CMPK1: variants seen among roughly 807,000 people sequenced by gnomAD.
The protein encoded by CMPK1 is UMP-CMP kinase.
CMPK1 carries 10 observed loss-of-function variants against 25.7 expected under a neutral mutation model. That is an observed-to-expected ratio of 0.39 (90% CI 0.24 to 0.66). The LOEUF (loss-of-function observed/expected upper bound fraction) is 0.66. Among genes scored for constraint, CMPK1 ranks in the 30% least tolerant of loss-of-function variants. The probability of loss-of-function intolerance (pLI) is 0.48; values close to 1 mark genes in which losing one functional copy is unlikely to be tolerated. For synonymous variants in CMPK1, 106 were observed against 101.5 expected (o/e 1.04, Z -0.27); for missense variants, 199 against 280.5 (o/e 0.71, Z 2.08).
Position 47,372,937 on chromosome 1 carries a change from A to G in CMPK1, c.319-18A>G, listed in dbSNP as rs572636928. On this transcript the variant is annotated intron_variant, in intron 2 of 5. Coordinates refer to ENST00000371873, the MANE Select transcript of CMPK1 (RefSeq NM_016308.3). ...TTTGTTAATGTTGTATTGAACCTAA[A>G]TCTTCTTTTTCCTTTAGGAAATGGA... is the stretch of plus-strand genomic sequence containing the variant. The G allele has an allele frequency of 1.1e-5, 18 of 1,599,548 alleles. No individual in the cohort carries two copies. In the South Asian group the frequency reaches 1.9e-4, roughly 17 times the overall value.
intron 1 of CMPK1, among the ~76,000 whole-genome samples, chr1:47,362,312 G>A (rs1646609291): frequency 6.6e-6 from 1 of 151,128 alleles, no homozygotes; most frequent in African/African-American, 2.4e-5. Flanking sequence ...TGGGATTACA[G>A]GCACACACCA....
chr1:47,344,684 A>T (rs2149326229), intron 1 of CMPK1, among the ~76,000 whole-genome samples: 1 of 151,746 alleles, frequency 6.6e-6, no homozygotes, highest in South Asian at 2.1e-4. Flanking sequence ...TTTTTAGTAG[A>T]GATGGGGTTT....
At chr1:47,343,845 C>T (rs1169954110) in intron 1 of CMPK1, among the ~76,000 whole-genome samples, 1 of 151,730 alleles carries the variant, frequency 6.6e-6, no homozygotes, top group Admixed American at 6.6e-5. Context: ...CGAGATCGCG[C>T]CACTGCACTC....
intron 1 of CMPK1, among the ~76,000 whole-genome samples, chr1:47,358,127 T>TTA (rs1646575917): frequency 6.7e-6 from 1 of 148,554 alleles, no homozygotes; most frequent in Admixed American, 6.8e-5. Context: ...TTTTTTTTTT[T>TTA]AAGGGACAGA....
chr1:47,356,818 G>A (rs912505895), intron 1 of CMPK1, among the ~76,000 whole-genome samples: 1 of 151,920 alleles, frequency 6.6e-6, no homozygotes, highest in South Asian at 2.1e-4. Flanking sequence ...GTGCCACCAC[G>A]CCAGGCTAAT....
chr1:47,365,437 C>T (rs769964044), intron 1 of CMPK1, among the ~76,000 whole-genome samples: 61 of 151,844 alleles, frequency 4.0e-4, no homozygotes, highest in Non-Finnish European at 8.2e-4. Context: ...AGTTTGAGAC[C>T]AGCCTGGGTA....
At chr1:47,360,350 C>T (rs951208799) in intron 1 of CMPK1, among the ~76,000 whole-genome samples, 4 of 152,176 alleles carry the variant, frequency 2.6e-5, no homozygotes, top group Non-Finnish European at 4.4e-5. Context: ...TTCCAGTTTA[C>T]GTTTCCTATA....
intron 1 of CMPK1, among the ~76,000 whole-genome samples, chr1:47,336,943 G>A (rs1646403313): frequency 6.6e-6 from 1 of 152,128 alleles, no homozygotes. Context: ...TAAAATATCT[G>A]TACCTAAATT....
At chr1:47,340,778 C>T (rs1283381652) in intron 1 of CMPK1, among the ~76,000 whole-genome samples, 1 of 152,104 alleles carries the variant, frequency 6.6e-6, no homozygotes, top group East Asian at 1.9e-4. Flanking sequence ...GTTGGGATTA[C>T]AGGCATGCGC....
intron 1 of CMPK1, among the ~76,000 whole-genome samples, chr1:47,355,104 T>TG (rs1557807897): frequency 1.3e-5 from 2 of 152,020 alleles, no homozygotes; most frequent in Admixed American, 6.6e-5. Context: ...TGGAGTGCAA[T>TG]GGCATGATCT....
At chr1:47,344,513 T>G (rs1455448919) in intron 1 of CMPK1, among the ~76,000 whole-genome samples, 1 of 151,926 alleles carries the variant, frequency 6.6e-6, no homozygotes, top group Non-Finnish European at 1.5e-5. Context: ...CTTTTTTTTT[T>G]TTTGAGATGG....
At chr1:47,334,195 C>G in intron 1 of CMPK1, 79 bp downstream of exon 1, 1 of 1,196,820 alleles carries the variant, frequency 8.4e-7, no homozygotes, top group Non-Finnish European at 1.1e-6. Flanking sequence ...CTAGTCCGCG[C>G]CCCGCGGAGT....
chr1:47,343,447 G>A lies in CMPK1; in HGVS notation c.171+9331G>A, dbSNP rs72686232. Among the ~76,000 whole-genome samples the A allele has an allele frequency of 5.5e-3, 837 of 151,574 alleles. 7 individuals carry two copies. Among genetic ancestry groups the A allele is most frequent in the Non-Finnish European group, 6.2e-3 (424 of 67,876 alleles). ...CGCTTGAACCTGGGAGGAGGACGTCGTAGTGAGCCAAGACCACACCATTGC... is the reference window on the plus strand; with the variant it reads ...CGCTTGAACCTGGGAGGAGGACGTCATAGTGAGCCAAGACCACACCATTGC... On this transcript the variant is annotated intron_variant, in intron 1 of 5. Coordinates refer to ENST00000371873, the MANE Select transcript of CMPK1 (RefSeq NM_016308.3).
intron 1 of CMPK1, among the ~76,000 whole-genome samples, chr1:47,365,806 G>A (rs1032639864): frequency 3.3e-5 from 5 of 152,176 alleles, no homozygotes; most frequent in Admixed American, 2.0e-4. Context: ...AAAGGTTATT[G>A]AATTGTTTTT....
At chr1:47,334,256 C>A in intron 1 of CMPK1, 140 bp downstream of exon 1, 1 of 843,900 alleles carries the variant, frequency 1.2e-6, no homozygotes, top group East Asian at 4.1e-5. Context: ...GCCCGCGTGG[C>A]AGTGGCCGAG....
chr1:47,351,202 C>T (rs1168625537), intron 1 of CMPK1, among the ~76,000 whole-genome samples: 3 of 152,096 alleles, frequency 2.0e-5, no homozygotes, highest in Non-Finnish European at 4.4e-5. Context: ...GCCTCAGCCT[C>T]CCAAGTAGCT....
chr1:47,357,507 C>T (rs573373453), intron 1 of CMPK1, among the ~76,000 whole-genome samples: 7 of 139,402 alleles, frequency 5.0e-5, no homozygotes, highest in East Asian at 4.3e-4. Context: ...TCTTTTGAGA[C>T]GGAGTTTCGC....
chr1:47,357,499 T>G lies in CMPK1; in HGVS notation c.172-10970T>G, dbSNP rs1057155088. Among the ~76,000 whole-genome samples the G allele has an allele frequency of 3.1e-5, 4 of 130,060 alleles. 1 individual carries two copies. Among genetic ancestry groups the G allele is most frequent in the Admixed American group, 7.9e-5 (1 of 12,596 alleles). The allele number at this position is 130,060 out of a possible 152,430, so 85.3% of individuals were successfully genotyped here. A position where few individuals can be genotyped will look rare whatever the true frequency, so the allele number is the denominator to read the frequency against. ...AATGGATTCTTTTTTTTTTTTTTTC[T>G]TTTGAGACGGAGTTTCGCTCTATTG... On this transcript the variant is annotated intron_variant, in intron 1 of 5. Coordinates refer to ENST00000371873, the MANE Select transcript of CMPK1 (RefSeq NM_016308.3).
chr1:47,366,657 T>C (rs912805246), intron 1 of CMPK1, among the ~76,000 whole-genome samples: 1 of 152,162 alleles, frequency 6.6e-6, no homozygotes, highest in Non-Finnish European at 1.5e-5. Context: ...TTATATTCAT[T>C]TGAATTCTTT....
Sources: allele counts gnomAD v4.1 joint callset (sites outside exome capture counted in the v4.1 genomes callset), GRCh38; gene constraint gnomAD v4.1.1; transcripts MANE v1.5; gene names NCBI Gene and HGNC (gene_info 2026-07-23, HGNC 2026-07-21).